The following NKAIN2 variants were observed in gnomAD, a reference collection of about 807,000 sequenced individuals.
The protein encoded by NKAIN2 is sodium/potassium-transporting ATPase subunit beta-1-interacting protein 2.
NKAIN2 carries 14 observed loss-of-function variants against 32.6 expected under a neutral mutation model. The ratio of observed to expected loss-of-function variants is 0.43; its 90% CI spans 0.28 to 0.67. NKAIN2 has a LOEUF of 0.67. Among genes scored for constraint, NKAIN2 ranks in the 30% least tolerant of loss-of-function variants. The pLI, the probability that NKAIN2 is intolerant of heterozygous loss-of-function variation, is 0.17. For missense variants in NKAIN2, 198 were observed against 258.3 expected (o/e 0.77, Z 1.60); for synonymous variants, 80 against 87.2 (o/e 0.92, Z 0.46).
chr6:124,723,871 A>G (rs981783135), intron 4 of NKAIN2, among the ~76,000 whole-genome samples: 20 of 152,170 alleles, frequency 1.3e-4, no homozygotes, highest in Admixed American at 1.2e-3. Flanking sequence ...CATCTTTCCA[A>G]TCCTACTCTT....
chr6:124,804,937 G>T (rs981080122), intron 5 of NKAIN2, among the ~76,000 whole-genome samples: 1 of 152,316 alleles, frequency 6.6e-6, no homozygotes, highest in South Asian at 2.1e-4. Flanking sequence ...AGCGAGGCTG[G>T]GGGAAGGGCG....
intron 4 of NKAIN2, among the ~76,000 whole-genome samples, chr6:124,701,458 C>G (rs1000216914): frequency 4.6e-5 from 7 of 152,002 alleles, no homozygotes; most frequent in South Asian, 2.1e-4. Context: ...TGTTCTCTGT[C>G]AACTAAAAAG....
chr6:123,860,717 A>G (rs1273166581), intron 1 of NKAIN2, among the ~76,000 whole-genome samples: 1 of 152,188 alleles, frequency 6.6e-6, no homozygotes, highest in Non-Finnish European at 1.5e-5. Context: ...GCAATAGTGT[A>G]TATATTAATC....
At chr6:124,617,700 G>A (rs561071475) in intron 3 of NKAIN2, among the ~76,000 whole-genome samples, 4 of 152,232 alleles carry the variant, frequency 2.6e-5, no homozygotes, top group African/African-American at 9.6e-5. Flanking sequence ...TATAAAAATC[G>A]TGACTGGGAT....
chr6:123,951,336 A>G (rs1562274447), intron 1 of NKAIN2, among the ~76,000 whole-genome samples: 2 of 151,950 alleles, frequency 1.3e-5, no homozygotes, highest in Non-Finnish European at 2.9e-5. Context: ...TAAATGATCT[A>G]TCTAATACTA....
chr6:124,558,881 G>A lies in NKAIN2; in HGVS notation c.274-99305G>A, dbSNP rs371545967. 8.8e-4 allele frequency among the ~76,000 whole-genome samples: 134 copies of A among 152,188 alleles called. 2 individuals are homozygous for A. The highest frequency in any genetic ancestry group is 8.6e-3 in the Admixed American group (131 of 15,282). On this transcript the variant is annotated intron_variant, in intron 3 of 6. Coordinates refer to ENST00000368417, the MANE Select transcript of NKAIN2 (RefSeq NM_001040214.3). ...GGAGAATTGCTTGAACTGGGGAGGT[G>A]GAGGTTGCAGTGAGCCAAGATCATA...
At chr6:124,245,816 C>T (rs777619674) in intron 1 of NKAIN2, among the ~76,000 whole-genome samples, 4 of 151,972 alleles carry the variant, frequency 2.6e-5, no homozygotes, top group Non-Finnish European at 5.9e-5. Context: ...AGTATCAAAT[C>T]TGTGAAAGGG....
intron 4 of NKAIN2, among the ~76,000 whole-genome samples, chr6:124,705,385 C>T (rs987104784): frequency 1.3e-5 from 2 of 151,796 alleles, no homozygotes; most frequent in East Asian, 3.9e-4. Flanking sequence ...AAAATGATAC[C>T]ACATGACACA....
intron 2 of NKAIN2, among the ~76,000 whole-genome samples, chr6:124,341,047 A>G (rs536039788): frequency 6.6e-6 from 1 of 152,326 alleles, no homozygotes; most frequent in African/African-American, 2.4e-5. Flanking sequence ...TGTTCATTAA[A>G]ATAATGCCTG....
intron 4 of NKAIN2, among the ~76,000 whole-genome samples, chr6:124,668,700 G>A (rs944374241): frequency 1.1e-4 from 17 of 152,016 alleles, no homozygotes; most frequent in Admixed American, 1.3e-4. Context: ...TGTGAGGTAC[G>A]GAAAACTTCC....
At chr6:124,801,265 T>C (rs1157139246) in intron 5 of NKAIN2, among the ~76,000 whole-genome samples, 2 of 152,222 alleles carry the variant, frequency 1.3e-5, no homozygotes, top group African/African-American at 4.8e-5. Context: ...TCATTCATTA[T>C]GCCTTTGTGG....
At chr6:124,737,871 G>A (rs185314415) in intron 4 of NKAIN2, among the ~76,000 whole-genome samples, 26 of 152,018 alleles carry the variant, frequency 1.7e-4, no homozygotes, top group Non-Finnish European at 1.6e-4. Flanking sequence ...CTAGAGATCC[G>A]TGAAACTTTG....
intron 2 of NKAIN2, among the ~76,000 whole-genome samples, chr6:124,306,671 C>T (rs908751832): frequency 6.6e-6 from 1 of 152,074 alleles, no homozygotes; most frequent in Non-Finnish European, 1.5e-5. Context: ...ATTCATTTTC[C>T]TCTCTTCTTA....
intron 1 of NKAIN2, among the ~76,000 whole-genome samples, chr6:123,867,476 TCTC>T (rs1464440950): frequency 6.6e-6 from 1 of 152,202 alleles, no homozygotes; most frequent in East Asian, 1.9e-4. Context: ...GTTATATAGT[TCTC>T]CTCTTTGTTT....
chr6:124,365,136 G>A (rs945722702), intron 3 of NKAIN2, among the ~76,000 whole-genome samples: 3 of 151,868 alleles, frequency 2.0e-5, no homozygotes, highest in South Asian at 2.1e-4. Flanking sequence ...AACAACAACA[G>A]AGAGGGTCAA....
intron 1 of NKAIN2, among the ~76,000 whole-genome samples, chr6:124,054,833 G>T (rs982252522): frequency 2.0e-5 from 3 of 151,948 alleles, no homozygotes; most frequent in Non-Finnish European, 2.9e-5. Context: ...GAGGGATTTG[G>T]CTTTGTTACT....
At chr6:124,520,758 T>C (rs1309913382) in intron 3 of NKAIN2, among the ~76,000 whole-genome samples, 1 of 152,212 alleles carries the variant, frequency 6.6e-6, no homozygotes, top group Non-Finnish European at 1.5e-5. Context: ...GCTACAAATT[T>C]CTGTGACTCG....
At chr6:124,511,157 T>C (rs941443305) in intron 3 of NKAIN2, among the ~76,000 whole-genome samples, 3 of 152,200 alleles carry the variant, frequency 2.0e-5, no homozygotes, top group African/African-American at 7.2e-5. Flanking sequence ...AAAATGTAGT[T>C]GACTTATAGG....
intron 1 of NKAIN2, among the ~76,000 whole-genome samples, chr6:123,805,426 A>G (rs1773174795): frequency 1.3e-5 from 2 of 152,162 alleles, no homozygotes; most frequent in African/African-American, 4.8e-5. Flanking sequence ...TTTAATATTT[A>G]GCTGAAACAG....
Sources: allele counts gnomAD v4.1 joint callset (sites outside exome capture counted in the v4.1 genomes callset), GRCh38; gene constraint gnomAD v4.1.1; transcripts MANE v1.5; gene names NCBI Gene and HGNC (gene_info 2026-07-23, HGNC 2026-07-21).